Variants in TP53BP2 observed in about 807,000 individuals in gnomAD.
TP53BP2 encodes the protein apoptosis-stimulating of p53 protein 2.
A neutral mutation model predicts 126.2 loss-of-function variants in TP53BP2; 62 were observed. The ratio of observed to expected loss-of-function variants is 0.49; its 90% CI spans 0.40 to 0.61. The LOEUF (loss-of-function observed/expected upper bound fraction) is 0.61. Among genes scored for constraint, TP53BP2 ranks in the 20% least tolerant of loss-of-function variants. TP53BP2 has a pLI of 0.00. For missense variants in TP53BP2, 1,215 were observed against 1,402.8 expected (o/e 0.87, Z 2.14); for synonymous variants, 485 against 502.9 (o/e 0.96, Z 0.48).
At position 223,800,703 on chromosome 1, in the gene TP53BP2, G is replaced by C; in HGVS notation, c.1333C>G (p.Gln445Glu). The change falls in exon 10 of 18, where the codon CAA becomes GAA. Residue 445 changes from glutamine (Q) to glutamate (E), a missense_variant. Transcript: ENST00000343537. ...GAGTAGCACAAATAAATCTCACCTT[G>C]ATCCAGAGCATTCCCAGTGCTTTGA... The part of the protein sequence containing the change: ...VPQSTGNALD[Q>E]VDDGEVPLRE... The C allele has an allele frequency of 6.3e-7, 1 of 1,592,698 alleles. No homozygotes were observed. The highest frequency in any genetic ancestry group is 8.5e-7 in the Non-Finnish European group (1 of 1,173,748).
intron 10 of TP53BP2, 117 bp from the exon 11 acceptor site, chr1:223,800,164 T>A (rs1240375340): frequency 9.5e-7 from 1 of 1,054,076 alleles, no homozygotes; most frequent in Admixed American, 3.2e-5. Flanking sequence ...AGCACGTTCC[T>A]ATTTTTTAAT....
At chr1:223,812,553 G>A (rs896115463) in intron 3 of TP53BP2, among the ~76,000 whole-genome samples, 1 of 150,514 alleles carries the variant, frequency 6.6e-6, no homozygotes, top group African/African-American at 2.5e-5. Flanking sequence ...GTTTTTTGTT[G>A]TTGTTGTTGT....
At position 223,816,434 on chromosome 1, in the gene TP53BP2, C is replaced by T. The variant is rs372394632; in HGVS notation, c.176-2081G>A. Among the ~76,000 whole-genome samples the T allele has an allele frequency of 5.3e-5, 8 of 151,774 alleles. No individual in the cohort carries two copies. In the East Asian group the frequency reaches 5.8e-4, roughly 11 times the overall value. The stretch of plus-strand genomic sequence containing the variant: ...TTTTTTTTAATAACACACTAATAGG[C>T]CTAAGATCCTGAATGGTTTTTAAAT... On this transcript the variant is annotated intron_variant, in intron 2 of 17. Coordinates refer to ENST00000343537, the MANE Select transcript of TP53BP2 (RefSeq NM_001031685.3).
At chr1:223,789,255 C>T (rs932926638) in intron 15 of TP53BP2, 81 bp from the exon 16 acceptor site, 2 of 1,512,038 alleles carry the variant, frequency 1.3e-6, no homozygotes, top group Admixed American at 3.8e-5. Flanking sequence ...AAAGAAAGTT[C>T]TTGAGTCTCT....
intron 16 of TP53BP2, 141 bp downstream of exon 16, chr1:223,788,867 C>G: frequency 1.3e-6 from 1 of 770,880 alleles, no homozygotes. Flanking sequence ...TATCTGTGAC[C>G]AAGGCTGTTG....
chr1:223,837,163 G>GGGGGGA lies in TP53BP2; in HGVS notation c.27+8490_27+8491insTCCCCC, dbSNP rs1553264323. 2.3e-3 allele frequency among the ~76,000 whole-genome samples: 283 copies of GGGGGGA among 124,870 alleles called. 3 individuals carry two copies. The highest frequency in any genetic ancestry group is 5.5e-3 in the African/African-American group (176 of 32,114). The allele number at this position is 124,870 out of a possible 152,430, so 81.9% of individuals were successfully genotyped here. A position where few individuals can be genotyped will look rare whatever the true frequency, so the allele number is the denominator to read the frequency against. The stretch of plus-strand genomic sequence containing the variant: ...TTAAAATTAAAAAAAAAAGGGGGGG[G>GGGGGGA]GCGGGGGGTCAAGGAACTTTTAGGT... On this transcript the variant is annotated intron_variant, in intron 1 of 17. Coordinates refer to ENST00000343537, the MANE Select transcript of TP53BP2 (RefSeq NM_001031685.3).
Position 223,826,844 on chromosome 1 carries a change from C to T in TP53BP2, c.28-5477G>A, listed in dbSNP as rs116723907. The stretch of plus-strand genomic sequence containing the variant: ...TAAATGCTACACACGGAATGAGATA[C>T]GATGGTAGCACAGACTGCAAATTAA... On this transcript the variant is annotated intron_variant, in intron 1 of 17. Coordinates refer to ENST00000343537, the MANE Select transcript of TP53BP2 (RefSeq NM_001031685.3). Among the ~76,000 whole-genome samples the T allele has an allele frequency of 3.3e-3, 501 of 152,104 alleles. 3 individuals carry two copies. Among genetic ancestry groups the T allele is most frequent in the African/African-American group, 0.011 (454 of 41,488 alleles).
rs1663079365 is a variant in TP53BP2 at position 223,816,177 on chromosome 1, G to C, written c.176-1824C>G. Among the ~76,000 whole-genome samples the C allele has an allele frequency of 2.0e-5, 3 of 152,140 alleles. No individual in the cohort carries two copies. In the South Asian group the frequency reaches 6.2e-4, roughly 31 times the overall value. ...GTATTATAAATGTCTGTGGATACTTGTTTCTCTTTGTGCCCTGTAAGATAC... is the reference window on the plus strand; with the variant it reads ...GTATTATAAATGTCTGTGGATACTTCTTTCTCTTTGTGCCCTGTAAGATAC... On this transcript the variant is annotated intron_variant, in intron 2 of 17. Transcript: ENST00000343537.
intron 16 of TP53BP2, among the ~76,000 whole-genome samples, chr1:223,787,411 AAT>A (rs1289534844): frequency 2.6e-5 from 4 of 151,222 alleles, no homozygotes; most frequent in African/African-American, 7.3e-5. Context: ...TAAATTTTTA[AAT>A]ATGTTACTAT....
chr1:223,843,724 G>A (rs1406578502), intron 1 of TP53BP2, among the ~76,000 whole-genome samples: 2 of 152,050 alleles, frequency 1.3e-5, no homozygotes, highest in African/African-American at 4.8e-5. Flanking sequence ...CCAAAGCAAT[G>A]TAACAAAATT....
chr1:223,815,706 CA>C (rs1663062661), intron 2 of TP53BP2, among the ~76,000 whole-genome samples: 3 of 152,234 alleles, frequency 2.0e-5, no homozygotes, highest in Non-Finnish European at 4.4e-5. Context: ...TACTAACACT[CA>C]TGTGCCAGCC....
At chr1:223,834,947 T>C (rs1663868818) in intron 1 of TP53BP2, 3 of 860,186 alleles carry the variant, frequency 3.5e-6, no homozygotes, top group Admixed American at 6.2e-5. Context: ...ACACATGTTT[T>C]GGTTCTTAAA....
rs1397999365 is a variant in TP53BP2, at chr1:223,804,057, G to C, written c.649+117C>G. 2.8e-6 allele frequency: 3 copies of C among 1,056,652 alleles called. No homozygotes were observed. The African/African-American group carries it at 4.8e-5, about 17-fold the overall frequency. 65.5% of individuals were successfully genotyped at this position (1,056,652 alleles called of 1,614,324 possible). ...CCAGCTACTCAGGAGGCTGAGGTGG[G>C]AGGATCACTTGAGGCCACGGTTCAA... On this transcript the variant is annotated intron_variant, in intron 6 of 17. Coordinates refer to ENST00000343537, the MANE Select transcript of TP53BP2 (RefSeq NM_001031685.3).
chr1:223,841,607 T>C (rs545852065), intron 1 of TP53BP2, among the ~76,000 whole-genome samples: 2 of 152,322 alleles, frequency 1.3e-5, no homozygotes, highest in South Asian at 2.1e-4. Context: ...CCTTTGTAAA[T>C]AATAATACAA....
At chr1:223,825,054 C>CACACACACACACA (rs1553262580) in intron 1 of TP53BP2, among the ~76,000 whole-genome samples, 4 of 151,216 alleles carry the variant, frequency 2.6e-5, no homozygotes, top group African/African-American at 9.7e-5. Flanking sequence ...CACACACACA[C>CACACACACACACA]CCTAGCCCAT....
At position 223,796,629 on chromosome 1, in the gene TP53BP2, T is replaced by G; in HGVS notation, c.1949-39A>C. 2 of 1,521,092 alleles carry G rather than the reference T, an allele frequency of 1.3e-6. No individual in the cohort carries two copies. Among genetic ancestry groups the G allele is most frequent in the Non-Finnish European group, 8.8e-7 (1 of 1,142,804 alleles). 94.2% of individuals were successfully genotyped at this position (1,521,092 alleles called of 1,614,324 possible). On this transcript the variant is annotated intron_variant, in intron 12 of 17. Transcript: ENST00000343537. This position sits in a 1 kb window ranked among gnomAD's most constrained non-coding sequence, Gnocchi z 4.2. ...GAAAAAAAAAAGCCCTCATTAGCAT[T>G]AATTAAACAAAACTGGCAAGAAACA...
At chr1:223,817,761 A>G (rs958017475) in intron 2 of TP53BP2, among the ~76,000 whole-genome samples, 2 of 152,024 alleles carry the variant, frequency 1.3e-5, no homozygotes, top group Non-Finnish European at 2.9e-5. Flanking sequence ...CTCCATCTCT[A>G]CTAAAAATAT....
At chr1:223,799,762 C>A (rs1019256866) in intron 11 of TP53BP2, 137 bp downstream of exon 11, 75 of 781,012 alleles carry the variant, frequency 9.6e-5, no homozygotes, top group Non-Finnish European at 1.2e-4. Flanking sequence ...ATTAAAATAA[C>A]AGAATGCTAA....
chr1:223,845,320 C>T (rs978569703), intron 1 of TP53BP2: 5 of 897,322 alleles, frequency 5.6e-6, no homozygotes, highest in African/African-American at 1.8e-5. Context: ...TATTCTTGAC[C>T]TTCAAGAACT....
Sources: gnomAD v4.1 joint callset for allele counts (sites outside exome capture counted in the v4.1 genomes callset) on GRCh38, gnomAD v4.1.1 for gene constraint, Gnocchi (gnomAD v3.1) non-coding constraint, MANE v1.5 for transcripts, NCBI Gene and HGNC (gene_info 2026-07-23, HGNC 2026-07-21) for gene names.